TENM2: variants seen among roughly 807,000 people sequenced by gnomAD.
TENM2 encodes teneurin-2.
A neutral mutation model predicts 245.2 loss-of-function variants in TENM2; 52 were observed. That is an observed-to-expected ratio of 0.21 (90% CI 0.17 to 0.27). TENM2 has a LOEUF of 0.27. Ranked by LOEUF, TENM2 falls within the 10% of genes least tolerant of loss-of-function variation. The probability of loss-of-function intolerance (pLI) is 1.00; values close to 1 mark genes in which losing one functional copy is unlikely to be tolerated. For missense variants in TENM2, 3,046 were observed against 3,666.8 expected, an observed-to-expected ratio of 0.83 and a Z score of 4.37; for synonymous variants, 1,363 against 1,438.9, an observed-to-expected ratio of 0.95 and a Z score of 1.19.
rs1268468783 is a variant in TENM2 at position 167,349,700 on chromosome 5, A to G, written c.227-25498A>G. 4.6e-5 allele frequency among the ~76,000 whole-genome samples: 7 copies of G among 152,274 alleles called. No individual in the cohort carries two copies. In the South Asian group the frequency reaches 6.2e-4, roughly 14 times the overall value. ...TGTGTGTGTATATGTAAATATATGT[A>G]TATAGCCTGTTACTTTTTTAATTTT... On this transcript the variant is annotated intron_variant, in intron 1 of 28. Coordinates refer to ENST00000518659, the Ensembl canonical transcript of TENM2.
At chr5:167,127,817 A>G in the TENM2 span, among the ~76,000 whole-genome samples, 1 of 152,110 alleles carries the variant, frequency 6.6e-6, no homozygotes, top group Non-Finnish European at 1.5e-5. Context: ...AAATTCCTCC[A>G]TGAGGTGCCT....
At chr5:167,755,282 G>A in intron 2 of TENM2, 1 of 944,374 alleles carries the variant, frequency 1.1e-6, no homozygotes, top group Non-Finnish European at 1.6e-6. Context: ...TAACCCTTCA[G>A]CGGATACCAA....
intron 1 of TENM2, among the ~76,000 whole-genome samples, chr5:167,330,392 A>G (rs1757369236): frequency 6.6e-6 from 1 of 152,212 alleles, no homozygotes; most frequent in South Asian, 2.1e-4. Flanking sequence ...ATTTGAATCC[A>G]GTCTGTCTGA....
At chr5:167,831,045 G>A (rs1768428630) in intron 2 of TENM2, among the ~76,000 whole-genome samples, 1 of 152,098 alleles carries the variant, frequency 6.6e-6, no homozygotes, top group Non-Finnish European at 1.5e-5. Flanking sequence ...GTCAATATGT[G>A]TACTTCTGTT....
chr5:168,057,967 G>C (rs538408957), intron 6 of TENM2, among the ~76,000 whole-genome samples: 2 of 152,054 alleles, frequency 1.3e-5, no homozygotes, highest in Admixed American at 1.3e-4. Flanking sequence ...TGCGAGCCTG[G>C]TTGCAAGCTG....
At chr5:167,897,955 A>G (rs1476413806) in intron 3 of TENM2, among the ~76,000 whole-genome samples, 1 of 144,638 alleles carries the variant, frequency 6.9e-6, no homozygotes, top group East Asian at 2.0e-4. Flanking sequence ...TGGAAGCAGC[A>G]TGAACTCCAG....
chr5:167,189,128 A>G, the TENM2 span, among the ~76,000 whole-genome samples: 2 of 152,160 alleles, frequency 1.3e-5, no homozygotes, highest in African/African-American at 4.8e-5. Context: ...GCCACTTTCT[A>G]CAGTTTGAGA....
chr5:167,872,512 G>C (rs1261114569), intron 2 of TENM2, among the ~76,000 whole-genome samples: 3 of 11,656 alleles, frequency 2.6e-4, no homozygotes, highest in Middle Eastern at 0.033. Flanking sequence ...AAGAAAGAAA[G>C]AAAGAAAGAA....
the TENM2 span, among the ~76,000 whole-genome samples, chr5:167,171,638 G>A: frequency 6.6e-6 from 1 of 152,162 alleles, no homozygotes; most frequent in Non-Finnish European, 1.5e-5. Flanking sequence ...CTGGAGCTAT[G>A]AAAGATTAAC....
At chr5:167,582,933 T>C (rs1775196162) in intron 2 of TENM2, among the ~76,000 whole-genome samples, 2 of 152,236 alleles carry the variant, frequency 1.3e-5, no homozygotes, top group Admixed American at 6.5e-5. Flanking sequence ...GAACTAAGTG[T>C]CCCTGATGTT....
chr5:167,620,198 C>A (rs1778069591), intron 2 of TENM2, among the ~76,000 whole-genome samples: 1 of 152,060 alleles, frequency 6.6e-6, no homozygotes, highest in South Asian at 2.1e-4. Context: ...ATGGTACATG[C>A]AATTAGGAAA....
At chr5:167,427,119 A>G (rs1763874927) in intron 2 of TENM2, among the ~76,000 whole-genome samples, 1 of 152,090 alleles carries the variant, frequency 6.6e-6, no homozygotes, top group Non-Finnish European at 1.5e-5. Context: ...AGAGGGAGGG[A>G]GAAAGAAAGA....
intron 5 of TENM2, among the ~76,000 whole-genome samples, chr5:168,044,320 C>A (rs938672044): frequency 2.0e-5 from 3 of 152,122 alleles, no homozygotes; most frequent in Non-Finnish European, 2.9e-5. Context: ...GAGGGTGAGG[C>A]AAGAGAATGG....
At chr5:167,075,457 C>T in the TENM2 span, among the ~76,000 whole-genome samples, 2 of 152,062 alleles carry the variant, frequency 1.3e-5, no homozygotes, top group Non-Finnish European at 2.9e-5. Context: ...TAAGGAATGG[C>T]ATGGGGATGT....
At chr5:167,109,445 A>T in the TENM2 span, among the ~76,000 whole-genome samples, 1 of 152,132 alleles carries the variant, frequency 6.6e-6, no homozygotes, top group Non-Finnish European at 1.5e-5. Flanking sequence ...TATTTTATTT[A>T]AAATATCCTC....
chr5:167,234,876 T>C, the TENM2 span, among the ~76,000 whole-genome samples: 1 of 152,232 alleles, frequency 6.6e-6, no homozygotes, highest in Non-Finnish European at 1.5e-5. Flanking sequence ...TTTATGCTGT[T>C]TCCTCTCTAC....
chr5:168,034,600 T>C (rs929243113), intron 5 of TENM2, among the ~76,000 whole-genome samples: 1 of 146,762 alleles, frequency 6.8e-6, no homozygotes, highest in East Asian at 2.0e-4. Flanking sequence ...AAAATAAAAA[T>C]AATAAAAAAT....
the TENM2 span, among the ~76,000 whole-genome samples, chr5:167,273,931 A>G: frequency 6.6e-6 from 1 of 152,076 alleles, no homozygotes; most frequent in African/African-American, 2.4e-5. Context: ...CTTTGCTACA[A>G]CTGTCAAATC....
chr5:167,800,340 T>C (rs1176287405), intron 2 of TENM2, among the ~76,000 whole-genome samples: 10 of 152,182 alleles, frequency 6.6e-5, no homozygotes, highest in Admixed American at 6.5e-4. Context: ...ACAAGCTTCA[T>C]GATGTCGTTT....
Sources: allele counts gnomAD v4.1 joint callset (sites outside exome capture counted in the v4.1 genomes callset), GRCh38; gene constraint gnomAD v4.1.1; transcripts MANE v1.5; gene names NCBI Gene and HGNC (gene_info 2026-07-23, HGNC 2026-07-21).